Variants in DMD observed in about 807,000 individuals in gnomAD.
DMD encodes dystrophin.
In DMD, 63 loss-of-function variants were observed where a neutral mutation model predicts 330.1. The observed-to-expected ratio is 0.19, with a 90% CI of 0.16 to 0.24. The LOEUF (loss-of-function observed/expected upper bound fraction) is 0.24, where lower values mean the gene tolerates loss of function less well. Among genes scored for constraint, DMD ranks in the 10% least tolerant of loss-of-function variants. The probability of loss-of-function intolerance (pLI) is 1.00; values close to 1 mark genes in which losing one functional copy is unlikely to be tolerated. For synonymous variants in DMD, 1,223 were observed against 959.8 expected, an observed-to-expected ratio of 1.27 and a Z score of -5.07; for missense variants, 3,344 against 2,684.1, an observed-to-expected ratio of 1.25 and a Z score of -5.43.
chrX:32,478,267 T>C (rs73619099), intron 21 of DMD, among the ~76,000 whole-genome samples: 4,816 of 111,413 alleles, frequency 0.043, 299 homozygotes, highest in African/African-American at 0.15. Context: ...AAAAATGCAC[T>C]GCACATGTGT....
Position 32,012,684 on chromosome X carries a change from G to A in DMD, c.6439-44170C>T, listed in dbSNP as rs778254199. On this transcript the variant is annotated intron_variant, in intron 44 of 78. Transcript: ENST00000357033. Reference sequence around the variant, plus strand: ...TAGTGGAGGCAGTTACGAAGGGCCCGAATGCACCCTTTTACTGGGATAGGA... The same window carrying A: ...TAGTGGAGGCAGTTACGAAGGGCCCAAATGCACCCTTTTACTGGGATAGGA... Among the ~76,000 whole-genome samples the A allele has an allele frequency of 7.2e-5, 8 of 111,730 alleles. No individual in the cohort carries two copies. The East Asian group carries it at 2.0e-3, about 28-fold the overall frequency.
chrX:32,150,385 C>A (rs988352167), intron 44 of DMD, among the ~76,000 whole-genome samples: 1 of 111,931 alleles, frequency 8.9e-6, no homozygotes, highest in African/African-American at 3.3e-5. Flanking sequence ...AGATAGCTGG[C>A]ATTGCCAATC....
intron 1 of DMD, among the ~76,000 whole-genome samples, chrX:33,046,519 A>G (rs1017935410): frequency 1.8e-5 from 2 of 111,946 alleles, no homozygotes; most frequent in Non-Finnish European, 3.8e-5. Context: ...TATTAATACT[A>G]TCAACATGTA....
intron 7 of DMD, among the ~76,000 whole-genome samples, chrX:32,717,272 G>C (rs1434027780): frequency 9.0e-6 from 1 of 111,460 alleles, no homozygotes; most frequent in Non-Finnish European, 1.9e-5. Context: ...TCGGAGGCCA[G>C]GCCTAGGGCC....
intron 37 of DMD, among the ~76,000 whole-genome samples, chrX:32,360,800 A>AAATAATAATAATAATGAT (rs2097829926): frequency 1.0e-5 from 1 of 95,953 alleles, no homozygotes; most frequent in African/African-American, 3.9e-5. Flanking sequence ...CACACACACA[A>AAATAATAATAATAATGAT]AATAATAATA....
At chrX:31,377,950 T>TCCCC (rs2059963552) in intron 60 of DMD, among the ~76,000 whole-genome samples, 1 of 110,345 alleles carries the variant, frequency 9.1e-6, no homozygotes, top group Non-Finnish European at 1.9e-5. Context: ...CTCAAAAAGC[T>TCCCC]TCCCCACTGA....
intron 37 of DMD, among the ~76,000 whole-genome samples, chrX:32,356,742 T>G (rs961638864): frequency 4.5e-5 from 5 of 111,932 alleles, no homozygotes; most frequent in Non-Finnish European, 7.5e-5. Flanking sequence ...GCAAATTTTA[T>G]GTAGAAATTA....
chrX:32,230,682 T>C (rs1213115251), intron 43 of DMD, among the ~76,000 whole-genome samples: 1 of 112,395 alleles, frequency 8.9e-6, no homozygotes, highest in Non-Finnish European at 1.9e-5. Flanking sequence ...TTTGAAATTC[T>C]GTTTTATTGC....
At chrX:32,767,489 T>C (rs978744839) in intron 7 of DMD, among the ~76,000 whole-genome samples, 7 of 111,609 alleles carry the variant, frequency 6.3e-5, no homozygotes, top group African/African-American at 2.3e-4. Flanking sequence ...TCTAGACTTA[T>C]AGTCCCAATT....
At position 32,667,766 on chromosome X, in the gene DMD, TG is replaced by T. The variant is rs1487829013; in HGVS notation, c.961-22615del. ...AAGTTCTCACCATTCTCTGCTTTTG[TG>T]TTTTTTTTTTTTTTTTTTCCAGTTT... On this transcript the variant is annotated intron_variant, in intron 9 of 78. Transcript: ENST00000357033. 3.4e-4 allele frequency among the ~76,000 whole-genome samples: 25 copies of T among 73,195 alleles called. 2 individuals carry two copies. The South Asian group carries it at 0.013, about 37-fold the overall frequency. The allele number at this position is 73,195 out of a possible 115,157, so 63.6% of individuals were successfully genotyped here.
At chrX:32,041,725 T>C (rs2096005257) in intron 44 of DMD, among the ~76,000 whole-genome samples, 1 of 110,352 alleles carries the variant, frequency 9.1e-6, no homozygotes, top group South Asian at 3.8e-4. Flanking sequence ...CATTCATCAT[T>C]GTCTCACTAT....
intron 63 of DMD, among the ~76,000 whole-genome samples, chrX:31,226,393 G>A (rs1196666532): frequency 8.1e-5 from 9 of 111,249 alleles, no homozygotes; most frequent in Admixed American, 6.7e-4. Flanking sequence ...CCTCCCCTCT[G>A]GGATATATTT....
chrX:32,167,134 C>T (rs774149652), intron 44 of DMD, among the ~76,000 whole-genome samples: 43 of 111,869 alleles, frequency 3.8e-4, no homozygotes, highest in African/African-American at 1.3e-3. Context: ...CCTGGAATCA[C>T]CAAACCTGTA....
rs1004070284 is a variant in DMD at position 32,027,071 on chromosome X, G to A, written c.6439-58557C>T. 2.7e-5 allele frequency among the ~76,000 whole-genome samples: 3 copies of A among 109,466 alleles called. No individual in the cohort carries two copies. The Admixed American group carries it at 3.0e-4, about 11-fold the overall frequency. Reference sequence around the variant, plus strand: ...CAAGAACTCTATACTATGAAAGAGGGACCACGAATTTTGATGTACACTTGT... The same window carrying A: ...CAAGAACTCTATACTATGAAAGAGGAACCACGAATTTTGATGTACACTTGT... On this transcript the variant is annotated intron_variant, in intron 44 of 78. Coordinates refer to ENST00000357033, the MANE Select transcript of DMD (RefSeq NM_004006.3).
chrX:32,500,378 C>T (rs746157970), intron 19 of DMD, among the ~76,000 whole-genome samples: 3 of 111,389 alleles, frequency 2.7e-5, no homozygotes, highest in East Asian at 5.6e-4. Context: ...ACTAGTCACA[C>T]GATCATTTAA....
At chrX:32,189,358 G>T (rs1261628315) in intron 44 of DMD, among the ~76,000 whole-genome samples, 2 of 92,547 alleles carry the variant, frequency 2.2e-5, no homozygotes, top group Non-Finnish European at 4.1e-5. Flanking sequence ...TTACTAGGGT[G>T]TCAGCAAACT....
chrX:31,259,258 C>T (rs139893378), intron 63 of DMD, among the ~76,000 whole-genome samples: 10,838 of 111,622 alleles, frequency 0.097, 517 homozygotes, highest in Middle Eastern at 0.15. Context: ...CCACAGGTTA[C>T]GATCAGGAGG....
intron 9 of DMD, among the ~76,000 whole-genome samples, chrX:32,694,924 G>T (rs1159169271): frequency 1.8e-5 from 2 of 111,946 alleles, no homozygotes; most frequent in African/African-American, 6.5e-5. Context: ...CAAAGTACTG[G>T]GAGTACAGGC....
intron 60 of DMD, among the ~76,000 whole-genome samples, chrX:31,405,664 T>C (rs1477746591): frequency 8.9e-6 from 1 of 111,929 alleles, no homozygotes; most frequent in Non-Finnish European, 1.9e-5. Flanking sequence ...AATCACCTGT[T>C]TAGCCGAAGT....
Sources: gnomAD v4.1 joint callset for allele counts (sites outside exome capture counted in the v4.1 genomes callset) on GRCh38, gnomAD v4.1.1 for gene constraint, MANE v1.5 for transcripts, NCBI Gene and HGNC (gene_info 2026-07-23, HGNC 2026-07-21) for gene names.